MTHFD1L: variants seen among roughly 807,000 people sequenced by gnomAD.
MTHFD1L encodes the protein monofunctional C1-tetrahydrofolate synthase, mitochondrial.
A neutral mutation model predicts 119.5 loss-of-function variants in MTHFD1L; 81 were observed. The observed-to-expected ratio is 0.68, with a 90% CI of 0.57 to 0.82. The LOEUF (loss-of-function observed/expected upper bound fraction) is 0.82. Among genes scored for constraint, MTHFD1L ranks in the 40% least tolerant of loss-of-function variants. The pLI, the probability that MTHFD1L is intolerant of heterozygous loss-of-function variation, is 0.00. For synonymous variants in MTHFD1L, 430 were observed against 475.2 expected, an observed-to-expected ratio of 0.90 and a Z score of 1.24; for missense variants, 1,125 against 1,253.4, an observed-to-expected ratio of 0.90 and a Z score of 1.55.
At chr6:151,023,491 G>C (rs541690941) in intron 24 of MTHFD1L, among the ~76,000 whole-genome samples, 260 of 152,174 alleles carry the variant, frequency 1.7e-3, no homozygotes, top group African/African-American at 5.2e-3. Context: ...AGCCTGCCAG[G>C]CACGTCATTC....
At chr6:151,028,468 T>G (rs1388545939) in intron 24 of MTHFD1L, among the ~76,000 whole-genome samples, 2 of 152,136 alleles carry the variant, frequency 1.3e-5, no homozygotes. Flanking sequence ...ACACATACTA[T>G]GGAACATTAT....
intron 20 of MTHFD1L, among the ~76,000 whole-genome samples, chr6:151,002,455 C>T (rs1300412557): frequency 6.6e-6 from 1 of 152,186 alleles, no homozygotes; most frequent in Non-Finnish European, 1.5e-5. Context: ...GCCTCGGTCT[C>T]TTAGAATGGT....
At chr6:151,090,875 T>C (rs1462554026) in intron 26 of MTHFD1L, among the ~76,000 whole-genome samples, 1 of 133,134 alleles carries the variant, frequency 7.5e-6, no homozygotes, top group Non-Finnish European at 1.6e-5. Context: ...CATCGCCCCA[T>C]GCGACTGGGT....
Position 150,960,328 on chromosome 6 carries a change from G to C in MTHFD1L, c.1857G>C (p.Thr619=). The part of the protein sequence containing the change: ...ASEIMAVLAL[T]DSLADMKARL... ...AGATCATGGCGGTGCTGGCCCTGACGGACAGCCTCGCAGACATGAAGGCAC... is the reference window on the plus strand; with the variant it reads ...AGATCATGGCGGTGCTGGCCCTGACCGACAGCCTCGCAGACATGAAGGCAC... Residue 619 remains threonine (T), a synonymous_variant, in exon 18 of 28, where the codon ACG becomes ACC. Transcript: ENST00000367321. 6.2e-7 allele frequency: 1 copy of C among 1,614,044 alleles called. No homozygotes were observed. Among genetic ancestry groups the C allele is most frequent in the Non-Finnish European group, 8.5e-7 (1 of 1,179,966 alleles).
chr6:151,009,200 G>A (rs1431958373), intron 20 of MTHFD1L, among the ~76,000 whole-genome samples: 1 of 151,180 alleles, frequency 6.6e-6, no homozygotes, highest in African/African-American at 2.4e-5. Context: ...AAACAATTTG[G>A]AACCTGATTA....
At chr6:151,032,422 G>A (rs1203778413) in intron 24 of MTHFD1L, among the ~76,000 whole-genome samples, 1 of 152,152 alleles carries the variant, frequency 6.6e-6, no homozygotes, top group East Asian at 1.9e-4. Context: ...AACTCAGAGT[G>A]AGAACTCACT....
intron 26 of MTHFD1L, among the ~76,000 whole-genome samples, chr6:151,070,977 A>C (rs1052686858): frequency 2.0e-5 from 3 of 152,182 alleles, no homozygotes; most frequent in African/African-American, 7.2e-5. Context: ...TACAGGGAGG[A>C]GAAGCAACTG....
intron 26 of MTHFD1L, among the ~76,000 whole-genome samples, chr6:151,040,478 A>G (rs142851382): frequency 6.6e-6 from 1 of 151,186 alleles, no homozygotes; most frequent in African/African-American, 2.4e-5. Context: ...TTGGAAGCCA[A>G]GGTAGAAGGA....
intron 7 of MTHFD1L, among the ~76,000 whole-genome samples, chr6:150,897,362 T>A (rs1022460278): frequency 1.6e-4 from 24 of 152,198 alleles, no homozygotes; most frequent in Admixed American, 1.6e-3. Flanking sequence ...TGGATTATGT[T>A]CTAAATGTTT....
intron 7 of MTHFD1L, among the ~76,000 whole-genome samples, chr6:150,903,221 T>C (rs1785358066): frequency 1.5e-5 from 2 of 136,564 alleles, no homozygotes; most frequent in African/African-American, 2.8e-5. Flanking sequence ...TTTTTTTTTT[T>C]TTTTTTTTTT....
chr6:150,946,155 G>A (rs1430110449), intron 15 of MTHFD1L, among the ~76,000 whole-genome samples: 1 of 151,970 alleles, frequency 6.6e-6, no homozygotes, highest in Non-Finnish European at 1.5e-5. Flanking sequence ...GTTTTGTTTT[G>A]TTTTGTTTTT....
intron 26 of MTHFD1L, among the ~76,000 whole-genome samples, chr6:151,086,518 T>C (rs964890049): frequency 6.6e-6 from 1 of 152,126 alleles, no homozygotes; most frequent in African/African-American, 2.4e-5. Flanking sequence ...TCTTTACTCA[T>C]CTGTTTTTTT....
intron 26 of MTHFD1L, among the ~76,000 whole-genome samples, chr6:151,043,936 A>G (rs779177510): frequency 2.6e-5 from 4 of 152,252 alleles, no homozygotes; most frequent in Non-Finnish European, 5.9e-5. Context: ...TTCAAATTTA[A>G]TGAGGAAAAA....
intron 17 of MTHFD1L, 23 bp downstream of exon 17, chr6:150,956,094 G>A: frequency 2.5e-6 from 4 of 1,602,442 alleles, no homozygotes; most frequent in Non-Finnish European, 3.4e-6. Context: ...TTCTTCCCGG[G>A]TGTGGCTCTG....
At chr6:150,958,147 C>T (rs9371484) in intron 17 of MTHFD1L, among the ~76,000 whole-genome samples, 43,150 of 151,914 alleles carry the variant, frequency 0.28, 6,473 homozygotes, top group East Asian at 0.49. Flanking sequence ...TGTGTTGCTT[C>T]GTGCATAGAT....
intron 24 of MTHFD1L, among the ~76,000 whole-genome samples, chr6:151,031,156 G>T (rs530809291): frequency 6.6e-6 from 1 of 152,330 alleles, no homozygotes; most frequent in Admixed American, 6.5e-5. Context: ...GCAAGGACAG[G>T]TCACTGCTAA....
At chr6:150,899,990 T>C (rs945425543) in intron 7 of MTHFD1L, among the ~76,000 whole-genome samples, 2 of 147,912 alleles carry the variant, frequency 1.4e-5, no homozygotes, top group African/African-American at 4.9e-5. Flanking sequence ...TAGATATATA[T>C]ATATTTTTTA....
At chr6:151,073,743 A>G (rs529679149) in intron 26 of MTHFD1L, among the ~76,000 whole-genome samples, 9 of 152,166 alleles carry the variant, frequency 5.9e-5, no homozygotes, top group Non-Finnish European at 1.2e-4. Context: ...AGAAAAGCCT[A>G]GTTAACTTAA....
intron 26 of MTHFD1L, among the ~76,000 whole-genome samples, chr6:151,069,585 A>G (rs934801087): frequency 6.6e-6 from 1 of 152,160 alleles, no homozygotes; most frequent in Non-Finnish European, 1.5e-5. Context: ...CCATTGCATT[A>G]TTAGCTAAAC....
Sources: gnomAD v4.1 joint callset for allele counts (sites outside exome capture counted in the v4.1 genomes callset) on GRCh38, gnomAD v4.1.1 for gene constraint, MANE v1.5 for transcripts, NCBI Gene and HGNC (gene_info 2026-07-23, HGNC 2026-07-21) for gene names.